Variants in PFKFB3 observed in about 807,000 individuals in gnomAD.
PFKFB3 encodes the protein 6-phosphofructo-2-kinase/fructose-2,6-biphosphatase 3, also known as 6-phosphofructo-2-kinase/fructose-2,6-bisphosphatase 3.
A neutral mutation model predicts 68.0 loss-of-function variants in PFKFB3; 33 were observed. That is an observed-to-expected ratio of 0.49 (90% CI 0.37 to 0.65). PFKFB3 has a LOEUF of 0.65. Ranked by LOEUF, PFKFB3 falls within the 30% of genes least tolerant of loss-of-function variation. The pLI, the probability that PFKFB3 is intolerant of heterozygous loss-of-function variation, is 0.00. For missense variants in PFKFB3, 586 were observed against 712.2 expected (o/e 0.82, Z 2.02); for synonymous variants, 315 against 288.2 (o/e 1.09, Z -0.94).
At chr10:6,206,957 G>GGTA (rs1843805159) in intron 1 of PFKFB3, among the ~76,000 whole-genome samples, 1 of 149,646 alleles carries the variant, frequency 6.7e-6, no homozygotes. Context: ...TTCCAGACTG[G>GGTA]GCAGCCAGGC....
At chr10:6,182,226 G>A (rs374664459) in intron 1 of PFKFB3, among the ~76,000 whole-genome samples, 3 of 151,954 alleles carry the variant, frequency 2.0e-5, no homozygotes, top group Non-Finnish European at 2.9e-5. Context: ...AGGCCAGCCC[G>A]CTTCTCACCA....
chr10:6,250,063 C>T (rs1846346894), intron 14 of PFKFB3, among the ~76,000 whole-genome samples: 2 of 152,120 alleles, frequency 1.3e-5, no homozygotes, highest in Non-Finnish European at 1.5e-5. Flanking sequence ...TTGCATCAAC[C>T]ACCTCACAAA....
At chr10:6,243,470 C>A (rs942228534) in intron 14 of PFKFB3, among the ~76,000 whole-genome samples, 1 of 152,144 alleles carries the variant, frequency 6.6e-6, no homozygotes, top group African/African-American at 2.4e-5. Context: ...CCCTTTCTTC[C>A]CCCTGGGAAG....
the PFKFB3 span, among the ~76,000 whole-genome samples, chr10:6,262,140 C>T: frequency 1.3e-5 from 2 of 151,786 alleles, no homozygotes; most frequent in Non-Finnish European, 2.9e-5. Context: ...CATGTACCCA[C>T]AAACCTAAAA....
chr10:6,157,232 TC>T (rs67781602), intron 1 of PFKFB3, among the ~76,000 whole-genome samples: 61,263 of 148,210 alleles, frequency 0.41, 13,376 homozygotes, highest in Non-Finnish European at 0.51. Context: ...AGTTGTGTCT[TC>T]TTTTTTTTTT....
rs35388630 is a variant in PFKFB3 at position 6,184,771 on chromosome 10, C to CTTTT, written c.17-28837_17-28834dup. Among the ~76,000 whole-genome samples, 238 of 121,398 alleles carry CTTTT rather than the reference C, an allele frequency of 2.0e-3. 9 individuals carry two copies. The highest frequency in any genetic ancestry group is 4.7e-3 in the Middle Eastern group (1 of 214). 79.6% of individuals were successfully genotyped at this position (121,398 alleles called of 152,430 possible). On this transcript the variant is annotated intron_variant, in intron 1 of 14. Transcript: ENST00000379789. ...ACAGGTGTGAGTCACCGCGCCTGGC[C>CTTTT]TTTTTTTTTTTTTTTTTTAAGAGAG...
chr10:6,220,959 G>A lies in PFKFB3; in HGVS notation c.831+94G>A. The stretch of plus-strand genomic sequence containing the variant: ...GGAGCTGTGTGCTGCTGCTGCTGCT[G>A]CTGCTGCTGCTTGGTGTGCTTGCTG... On this transcript the variant is annotated intron_variant, in intron 8 of 14. Coordinates refer to ENST00000379775, the MANE Select transcript of PFKFB3 (RefSeq NM_004566.4). The surrounding 1 kb of genome is among the most constrained non-coding windows in gnomAD (Gnocchi z 4.1). 1 of 1,210,876 alleles carries A rather than the reference G, an allele frequency of 8.3e-7. No homozygotes were observed. Among genetic ancestry groups the A allele is most frequent in the Non-Finnish European group, 1.2e-6 (1 of 829,440 alleles). The allele number at this position is 1,210,876 out of a possible 1,614,324, so 75.0% of individuals were successfully genotyped here.
the PFKFB3 span, among the ~76,000 whole-genome samples, chr10:6,292,795 G>T: frequency 6.6e-6 from 1 of 152,178 alleles, no homozygotes. Context: ...GCCTGTATCA[G>T]TCATTCTAAT....
chr10:6,311,491 C>G, the PFKFB3 span, among the ~76,000 whole-genome samples: 1 of 152,048 alleles, frequency 6.6e-6, no homozygotes, highest in East Asian at 1.9e-4. Flanking sequence ...CAGTGGCTCT[C>G]TGGGCCCAGC....
chr10:6,216,832 C>A, intron 5 of PFKFB3, 52 bp downstream of exon 5: 1 of 1,356,622 alleles, frequency 7.4e-7, no homozygotes, highest in Non-Finnish European at 1.1e-6. Context: ...GAGGAAAAGG[C>A]TTCAGGAAGC....
chr10:6,245,245 C>T lies in PFKFB3; in HGVS notation c.1516-8933C>T, dbSNP rs143976201. 5.5e-4 allele frequency among the ~76,000 whole-genome samples: 84 copies of T among 151,956 alleles called. 1 individual carries two copies. Among genetic ancestry groups the T allele is most frequent in the African/African-American group, 1.3e-3 (55 of 41,412 alleles). On this transcript the variant is annotated intron_variant, in intron 14 of 14. Coordinates refer to the PFKFB3 transcript ENST00000640683. ...CCGAGTAGCTGGGATTACAGGCATA[C>T]GCCACCATGCCTGGCTAATTTTTAT...
chr10:6,212,376 C>T (rs1844287508), intron 1 of PFKFB3, among the ~76,000 whole-genome samples: 2 of 152,208 alleles, frequency 1.3e-5, no homozygotes, highest in African/African-American at 4.8e-5. Context: ...TTTTGTCTTA[C>T]TGAGATGCCA....
chr10:6,205,536 GCGCACGC>G, intron 1 of PFKFB3, among the ~76,000 whole-genome samples: 1 of 151,972 alleles, frequency 6.6e-6, no homozygotes, highest in East Asian at 1.9e-4. Context: ...GGGATTACAG[GCGCACGC>G]CGCCATGCCC....
chr10:6,299,356 G>T, the PFKFB3 span, among the ~76,000 whole-genome samples: 7 of 152,198 alleles, frequency 4.6e-5, no homozygotes, highest in Admixed American at 3.9e-4. Context: ...ACAGGCAGGG[G>T]TGAGTCAGCT....
exon 15 of PFKFB3, chr10:6,254,339 C>G (rs1846455921): frequency 2.5e-6 from 1 of 398,454 alleles, no homozygotes; most frequent in South Asian, 1.3e-4. Flanking sequence ...CGCTTCCTCA[C>G]CTTTCTGGCT....
intron 1 of PFKFB3, among the ~76,000 whole-genome samples, chr10:6,167,567 G>A (rs1746613908): frequency 6.6e-6 from 1 of 152,228 alleles, no homozygotes; most frequent in South Asian, 2.1e-4. Flanking sequence ...TGTATAAAGA[G>A]ACAATATCTT....
At chr10:6,222,827 T>C in intron 10 of PFKFB3, 28 bp from the exon 11 acceptor site, 1 of 1,599,396 alleles carries the variant, frequency 6.3e-7, no homozygotes, top group African/African-American at 1.3e-5. Flanking sequence ...TGCCCTGAGC[T>C]CACGTGGGCC....
At chr10:6,211,218 T>C (rs2035724789) in intron 1 of PFKFB3, among the ~76,000 whole-genome samples, 1 of 151,964 alleles carries the variant, frequency 6.6e-6, no homozygotes. Flanking sequence ...ATTGTTGTTA[T>C]TGTTATTTTC....
At chr10:6,267,577 C>T in the PFKFB3 span, among the ~76,000 whole-genome samples, 18 of 152,292 alleles carry the variant, frequency 1.2e-4, no homozygotes, top group East Asian at 2.5e-3. Flanking sequence ...AGACATAGCA[C>T]GCTTCCTTTC....
Sources: allele counts gnomAD v4.1 joint callset (sites outside exome capture counted in the v4.1 genomes callset), GRCh38; gene constraint gnomAD v4.1.1; non-coding constraint Gnocchi (gnomAD v3.1); transcripts MANE v1.5; gene names NCBI Gene and HGNC (gene_info 2026-07-23, HGNC 2026-07-21).